The following PTPRD variants were observed in gnomAD, a reference collection of about 807,000 sequenced individuals.
PTPRD encodes receptor-type tyrosine-protein phosphatase delta.
PTPRD carries 34 observed loss-of-function variants against 214.5 expected under a neutral mutation model. The observed-to-expected ratio is 0.16, with a 90% CI of 0.12 to 0.21. PTPRD has a LOEUF of 0.21. Among genes scored for constraint, PTPRD ranks in the 10% least tolerant of loss-of-function variants. The pLI, the probability that PTPRD is intolerant of heterozygous loss-of-function variation, is 1.00. For synonymous variants in PTPRD, 1,128 were observed against 845.7 expected (o/e 1.33, Z -5.79); for missense variants, 2,545 against 2,398.7 (o/e 1.06, Z -1.27).
At position 8,340,250 on chromosome 9, in the gene PTPRD, A is replaced by C. The variant is rs574560875; in HGVS notation, c.5253+93T>G. On this transcript the variant is annotated intron_variant, in intron 42 of 45. Transcript: ENST00000381196. The stretch of plus-strand genomic sequence containing the variant: ...TCCAGAGTGCACTGCATTTCAAAAA[A>C]AATGATCTAGCACAAGAGTTATTGA... 1.1e-5 allele frequency: 16 copies of C among 1,401,526 alleles called. No homozygotes were observed. The South Asian group carries it at 1.9e-4, about 17-fold the overall frequency. The allele number at this position is 1,401,526 out of a possible 1,614,324, so 86.8% of individuals were successfully genotyped here.
intron 8 of PTPRD, among the ~76,000 whole-genome samples, chr9:9,485,541 A>T (rs1240717811): frequency 6.6e-6 from 1 of 152,128 alleles, no homozygotes; most frequent in Non-Finnish European, 1.5e-5. Flanking sequence ...CATTTTTTCC[A>T]ATCCTTCAAC....
At chr9:8,823,659 G>A (rs959650999) in intron 11 of PTPRD, among the ~76,000 whole-genome samples, 2 of 129,768 alleles carry the variant, frequency 1.5e-5, no homozygotes, top group East Asian at 2.0e-4. Context: ...TTCAAAAAAG[G>A]GAAGGGAAAG....
intron 14 of PTPRD, among the ~76,000 whole-genome samples, chr9:8,579,727 G>C (rs1389042137): frequency 2.6e-5 from 4 of 152,230 alleles, no homozygotes. Flanking sequence ...GGTTGCAGTG[G>C]ATGGGAAAGA....
chr9:10,398,585 A>G (rs2098216139), intron 2 of PTPRD, among the ~76,000 whole-genome samples: 1 of 151,982 alleles, frequency 6.6e-6, no homozygotes, highest in African/African-American at 2.4e-5. Flanking sequence ...CACTATAGAT[A>G]TAAATACAAA....
chr9:8,867,951 T>C (rs912208704), intron 11 of PTPRD, among the ~76,000 whole-genome samples: 2 of 152,166 alleles, frequency 1.3e-5, no homozygotes, highest in African/African-American at 2.4e-5. Context: ...ATGAAAACTT[T>C]ATAGGGCACA....
At chr9:10,596,307 C>T (rs1271698851) in intron 2 of PTPRD, among the ~76,000 whole-genome samples, 1 of 151,390 alleles carries the variant, frequency 6.6e-6, no homozygotes, top group Non-Finnish European at 1.5e-5. Context: ...TTAAAATTTC[C>T]CAAAGAATTT....
chr9:9,954,269 G>A (rs570676524), intron 4 of PTPRD, among the ~76,000 whole-genome samples: 20 of 132,332 alleles, frequency 1.5e-4, no homozygotes, highest in African/African-American at 5.1e-4. Context: ...TTCCAGCCTC[G>A]GTGACAGATT....
intron 11 of PTPRD, among the ~76,000 whole-genome samples, chr9:8,856,888 A>G (rs548077229): frequency 6.6e-6 from 1 of 152,230 alleles, no homozygotes; most frequent in African/African-American, 2.4e-5. Context: ...CAGAGAAGCA[A>G]TGCAAGTTTT....
intron 3 of PTPRD, among the ~76,000 whole-genome samples, chr9:10,200,560 A>T (rs934208895): frequency 1.3e-5 from 2 of 152,144 alleles, no homozygotes; most frequent in African/African-American, 4.8e-5. Flanking sequence ...CATATGACTG[A>T]CTACCTTTCA....
chr9:9,795,120 A>C (rs1224416552), intron 5 of PTPRD, among the ~76,000 whole-genome samples: 1 of 152,162 alleles, frequency 6.6e-6, no homozygotes, highest in Non-Finnish European at 1.5e-5. Context: ...GAATACTTTA[A>C]CTATGTATAG....
At chr9:8,501,163 A>C in intron 23 of PTPRD, 104 bp from the exon 24 acceptor site, 1 of 816,992 alleles carries the variant, frequency 1.2e-6, no homozygotes, top group Non-Finnish European at 1.9e-6. Context: ...ATAAACGAAC[A>C]ATAAGGACAA....
intron 11 of PTPRD, among the ~76,000 whole-genome samples, chr9:8,796,677 C>A (rs140741061): frequency 6.6e-6 from 1 of 152,156 alleles, no homozygotes; most frequent in African/African-American, 2.4e-5. Flanking sequence ...AAAATGAGTA[C>A]AATTTCTATT....
chr9:9,363,171 C>G (rs1313754193), intron 9 of PTPRD, among the ~76,000 whole-genome samples: 1 of 124,844 alleles, frequency 8.0e-6, no homozygotes, highest in Non-Finnish European at 1.7e-5. Context: ...TATGACATAT[C>G]TTTTTTTGGT....
intron 9 of PTPRD, among the ~76,000 whole-genome samples, chr9:9,316,927 A>G (rs1358842618): frequency 6.6e-6 from 1 of 152,130 alleles, no homozygotes; most frequent in Non-Finnish European, 1.5e-5. Flanking sequence ...CTCTGTCTCT[A>G]AAGTTACAAA....
intron 3 of PTPRD, among the ~76,000 whole-genome samples, chr9:10,224,259 T>C (rs949608512): frequency 6.6e-6 from 1 of 151,972 alleles, no homozygotes; most frequent in African/African-American, 2.4e-5. Flanking sequence ...ATGAGGTATA[T>C]ATTACACATG....
intron 10 of PTPRD, among the ~76,000 whole-genome samples, chr9:9,083,652 A>G (rs1355180987): frequency 1.3e-5 from 2 of 152,218 alleles, no homozygotes; most frequent in Non-Finnish European, 2.9e-5. Flanking sequence ...CAATCTATCC[A>G]TCTGACAAAG....
intron 7 of PTPRD, among the ~76,000 whole-genome samples, chr9:9,723,162 T>G (rs983430524): frequency 2.0e-5 from 3 of 152,080 alleles, no homozygotes; most frequent in Middle Eastern, 3.2e-3. Context: ...GCCTTTTATA[T>G]TTAGGCCTGT....
intron 14 of PTPRD, among the ~76,000 whole-genome samples, chr9:8,542,189 T>C (rs1193003671): frequency 3.9e-5 from 6 of 152,206 alleles, no homozygotes; most frequent in Non-Finnish European, 8.8e-5. Context: ...TGAAGGTAAA[T>C]ACAAGTGTGT....
intron 3 of PTPRD, among the ~76,000 whole-genome samples, chr9:10,240,429 G>A (rs2099643720): frequency 6.6e-6 from 1 of 151,840 alleles, no homozygotes; most frequent in African/African-American, 2.4e-5. Context: ...GAGGAAAAAC[G>A]CCTTAAGTAC....
Sources: allele counts gnomAD v4.1 joint callset (sites outside exome capture counted in the v4.1 genomes callset), GRCh38; gene constraint gnomAD v4.1.1; transcripts MANE v1.5; gene names NCBI Gene and HGNC (gene_info 2026-07-23, HGNC 2026-07-21).